Variants in DIP2C observed in about 807,000 individuals in gnomAD.
DIP2C encodes disco-interacting protein 2 homolog C.
A neutral mutation model predicts 192.4 loss-of-function variants in DIP2C; 33 were observed. The observed-to-expected ratio is 0.17, with a 90% CI of 0.13 to 0.23. The LOEUF is 0.23. DIP2C is among the 10% of genes least tolerant of loss of function. DIP2C has a pLI of 1.00. For missense variants in DIP2C, 1,537 were observed against 2,110.1 expected (o/e 0.73, Z 5.32); for synonymous variants, 979 against 864.1 (o/e 1.13, Z -2.33).
chr10:624,112 A>G (rs1255033503), intron 1 of DIP2C, among the ~76,000 whole-genome samples: 1 of 152,210 alleles, frequency 6.6e-6, no homozygotes, highest in East Asian at 1.9e-4. Flanking sequence ...GCCCAGCCCA[A>G]GGGCGCAGCC....
chr10:629,114 A>G (rs565062236), intron 1 of DIP2C, among the ~76,000 whole-genome samples: 1 of 152,314 alleles, frequency 6.6e-6, no homozygotes, highest in South Asian at 2.1e-4. Context: ...TCTAAGAAAA[A>G]GAAAATAAAG....
Position 277,217 on chromosome 10 carries a change from A to G in DIP2C, c.*108T>C. 2.0e-6 allele frequency: 3 copies of G among 1,506,280 alleles called. No homozygotes were observed. The highest frequency in any genetic ancestry group is 2.7e-6 in the Non-Finnish European group (3 of 1,120,160). The allele number at this position is 1,506,280 out of a possible 1,614,324, so 93.3% of individuals were successfully genotyped here. On this transcript the variant is annotated 3_prime_UTR_variant, in exon 37 of 37. Transcript: ENST00000280886. ...CTCCTCTTCCTCCTCCACTCTCACC[A>G]CAAATGGCTGTATTCTGGTGAGTGT...
chr10:545,716 G>A (rs1237678211), intron 1 of DIP2C, among the ~76,000 whole-genome samples: 8 of 152,180 alleles, frequency 5.3e-5, no homozygotes, highest in Non-Finnish European at 1.2e-4. Context: ...TCACAGTATC[G>A]ACTCTTACAC....
At chr10:615,235 G>T (rs375276483) in intron 1 of DIP2C, among the ~76,000 whole-genome samples, 1 of 152,218 alleles carries the variant, frequency 6.6e-6, no homozygotes, top group South Asian at 2.1e-4. Flanking sequence ...GGGAAGAAAT[G>T]AGATCTGTTT....
At chr10:298,448 C>T (rs1053520528) in intron 32 of DIP2C, among the ~76,000 whole-genome samples, 2 of 152,198 alleles carry the variant, frequency 1.3e-5, no homozygotes, top group African/African-American at 2.4e-5. Context: ...AGGTTTTCCC[C>T]GTCCCTTCCA....
At chr10:278,885 G>A (rs948132176) in intron 36 of DIP2C, among the ~76,000 whole-genome samples, 10 of 152,138 alleles carry the variant, frequency 6.6e-5, no homozygotes, top group African/African-American at 2.4e-4. Flanking sequence ...GAAGGTTCCC[G>A]GGCAGAGTGG....
intron 11 of DIP2C, among the ~76,000 whole-genome samples, 182 bp from the exon 12 acceptor site, chr10:390,555 C>A (rs758073568): frequency 1.3e-4 from 20 of 151,532 alleles, no homozygotes; most frequent in Non-Finnish European, 2.8e-4. Context: ...TGCGTTACCT[C>A]ACGTCACCCC....
intron 17 of DIP2C, among the ~76,000 whole-genome samples, chr10:381,759 C>T (rs1962395008): frequency 6.6e-6 from 1 of 152,174 alleles, no homozygotes; most frequent in Admixed American, 6.5e-5. Context: ...AGCAGGTCTC[C>T]TGCACTCACT....
intron 36 of DIP2C, among the ~76,000 whole-genome samples, chr10:279,700 GATC>G (rs1954711325): frequency 6.6e-6 from 1 of 152,220 alleles, no homozygotes; most frequent in East Asian, 1.9e-4. Flanking sequence ...TTTGTACCTG[GATC>G]ATCTCAAACA....
At chr10:500,666 A>G (rs1016577004) in intron 1 of DIP2C, among the ~76,000 whole-genome samples, 1 of 152,260 alleles carries the variant, frequency 6.6e-6, no homozygotes, top group Non-Finnish European at 1.5e-5. Context: ...AAAGATTTAA[A>G]AAGTTGTATT....
intron 1 of DIP2C, among the ~76,000 whole-genome samples, chr10:599,349 T>C (rs58489741): frequency 0.15 from 22,604 of 152,146 alleles, 3,163 homozygotes; most frequent in African/African-American, 0.37. Context: ...CTATTATCCA[T>C]GAAATATTTA....
At chr10:391,480 A>T (rs1589686551) in intron 10 of DIP2C, among the ~76,000 whole-genome samples, 1 of 152,330 alleles carries the variant, frequency 6.6e-6, no homozygotes. Context: ...AGGTGGCTCC[A>T]GGCTGCCAGC....
At chr10:400,437 G>A (rs570168127) in intron 9 of DIP2C, among the ~76,000 whole-genome samples, 4 of 152,366 alleles carry the variant, frequency 2.6e-5, no homozygotes, top group Admixed American at 6.5e-5. Flanking sequence ...ACTAAGCCCT[G>A]TGAACTCTGC....
chr10:328,018 G>A (rs150962683), intron 30 of DIP2C, among the ~76,000 whole-genome samples: 191 of 152,284 alleles, frequency 1.3e-3, no homozygotes, highest in Non-Finnish European at 2.4e-3. Context: ...GAATGTCTGC[G>A]TCTTGGAGTG....
chr10:606,904 G>A (rs1047379191), intron 1 of DIP2C, among the ~76,000 whole-genome samples: 2 of 152,188 alleles, frequency 1.3e-5, no homozygotes, highest in Non-Finnish European at 2.9e-5. Context: ...TGGTGACTCA[G>A]GCTGGGGTCT....
chr10:599,410 T>G (rs1458254190), intron 1 of DIP2C, among the ~76,000 whole-genome samples: 1 of 151,996 alleles, frequency 6.6e-6, no homozygotes, highest in Non-Finnish European at 1.5e-5. Flanking sequence ...CAATTCAGAG[T>G]TGCAGATTAA....
At chr10:489,386 C>T (rs1191716363) in intron 1 of DIP2C, among the ~76,000 whole-genome samples, 1 of 152,192 alleles carries the variant, frequency 6.6e-6, no homozygotes, top group Non-Finnish European at 1.5e-5. Flanking sequence ...ATAGATGATG[C>T]ATATAGACAG....
At position 283,415 on chromosome 10, in the gene DIP2C, C is replaced by T; in HGVS notation, c.4151G>A (p.Gly1384Asp). 6.2e-7 allele frequency: 1 copy of T among 1,614,196 alleles called. No individual in the cohort carries two copies. Among genetic ancestry groups the T allele is most frequent in the South Asian group, 1.1e-5 (1 of 91,086 alleles). Residue 1384 changes from glycine (G) to aspartate (D), a missense_variant, in exon 35 of 37, where the codon GGT (glycine) becomes GAT (aspartate). Around this residue, in one of 4 missense-constraint regions of DIP2C, gnomAD observed 341 missense variants for 551.7 expected, o/e 0.62. Coordinates refer to ENST00000280886, the MANE Select transcript of DIP2C (RefSeq NM_014974.3). ...TTCGTCTCCGTAAATAGTGAAATAACCGCTGGCATTGTGGGCACTGTGAAC... is the reference window on the plus strand; with the variant it reads ...TTCGTCTCCGTAAATAGTGAAATAATCGCTGGCATTGTGGGCACTGTGAAC... ...IWVHSAHNAS[G>D]YFTIYGDESL...
chr10:286,482 CCA>C (rs1817047322), intron 33 of DIP2C, 135 bp from the exon 34 acceptor site: 1 of 761,906 alleles, frequency 1.3e-6, no homozygotes, highest in African/African-American at 1.7e-5. Context: ...AAACTATATG[CCA>C]CATAGTTATG....
Sources: gnomAD v4.1 joint callset for allele counts (sites outside exome capture counted in the v4.1 genomes callset) on GRCh38, gnomAD v4.1.1 for gene constraint, gnomAD v4.1.1 regional missense constraint, MANE v1.5 for transcripts, NCBI Gene and HGNC (gene_info 2026-07-23, HGNC 2026-07-21) for gene names.